Variants in NHSL1 observed in about 807,000 individuals in gnomAD.
NHSL1 encodes the protein NHS like 1, also known as NHS-like protein 1.
NHSL1 carries 48 observed loss-of-function variants against 95.0 expected under a neutral mutation model. That is an observed-to-expected ratio of 0.51 (90% CI 0.40 to 0.64). The LOEUF (loss-of-function observed/expected upper bound fraction) is 0.64. NHSL1 is among the 30% of genes least tolerant of loss of function. NHSL1 has a pLI of 0.00. For missense variants in NHSL1, 1,971 were observed against 2,077.7 expected (o/e 0.95, Z 1.00); for synonymous variants, 783 against 833.9 (o/e 0.94, Z 1.05).
chr6:138,569,245 A>ATGTGTGTG (rs58789555), intron 1 of NHSL1, among the ~76,000 whole-genome samples: 15 of 147,510 alleles, frequency 1.0e-4, no homozygotes, highest in South Asian at 4.4e-4. Flanking sequence ...TTGTGTGTAT[A>ATGTGTGTG]TGTGTGTGTG....
At chr6:138,663,871 A>G (rs1785261791) in intron 1 of NHSL1, among the ~76,000 whole-genome samples, 1 of 152,004 alleles carries the variant, frequency 6.6e-6, no homozygotes, top group African/African-American at 2.4e-5. Flanking sequence ...ACTCTATCTC[A>G]AAGAAAAAAA....
chr6:138,567,648 A>C (rs1196718799), intron 1 of NHSL1, among the ~76,000 whole-genome samples: 1 of 152,078 alleles, frequency 6.6e-6, no homozygotes, highest in Non-Finnish European at 1.5e-5. Context: ...GGATGAAATT[A>C]CTTTAAATAG....
rs180837730 is a variant in NHSL1 at position 138,505,547 on chromosome 6, C to T, written c.17-9176G>A. 5.2e-3 allele frequency among the ~76,000 whole-genome samples: 771 copies of T among 147,196 alleles called. 6 individuals carry two copies. The highest frequency in any genetic ancestry group is 0.011 in the Admixed American group (150 of 14,220). On this transcript the variant is annotated intron_variant, in intron 1 of 4. Coordinates refer to the NHSL1 transcript ENST00000342260. ...GCACGTGCCTGTAGTCTCAGCTACT[C>T]GGGAGGCTGAGGCAGGAGAATCACT...
At chr6:138,664,828 T>C (rs1011673812) in intron 1 of NHSL1, among the ~76,000 whole-genome samples, 1 of 152,254 alleles carries the variant, frequency 6.6e-6, no homozygotes, top group African/African-American at 2.4e-5. Flanking sequence ...AGCAAAGAGT[T>C]GATGTTGCAG....
chr6:138,571,473 A>G, intron 1 of NHSL1: 1 of 485,038 alleles, frequency 2.1e-6, no homozygotes, highest in South Asian at 2.3e-5. Flanking sequence ...GAGGCTGCCG[A>G]GAACAAATAA....
Position 138,422,803 on chromosome 6 carries a change from AC to A in NHSL1, c.*1277del. On this transcript the variant is annotated 3_prime_UTR_variant, in exon 8 of 8. Coordinates refer to ENST00000343505, the MANE Select transcript of NHSL1 (RefSeq NM_001144060.2). Reference sequence around the variant, plus strand: ...TGCACAAACCAAATGATGCAAAAAAACCTTTTTAATCTAAAAATTCATTTCC... The same window carrying A: ...TGCACAAACCAAATGATGCAAAAAAACTTTTTAATCTAAAAATTCATTTCC... 6.6e-6 allele frequency: 1 copy of A among 152,292 alleles called. No homozygotes were observed. The highest frequency in any genetic ancestry group is 3.4e-3 in the Middle Eastern group (1 of 294). 9.4% of individuals were successfully genotyped at this position (152,292 alleles called of 1,614,324 possible). A position where few individuals can be genotyped will look rare whatever the true frequency, so the allele number is the denominator to read the frequency against.
intron 1 of NHSL1, among the ~76,000 whole-genome samples, chr6:138,589,634 T>C (rs147137764): frequency 6.6e-6 from 1 of 152,202 alleles, no homozygotes; most frequent in Non-Finnish European, 1.5e-5. Context: ...TAAACCCTCA[T>C]CTATGCCTTC....
intron 1 of NHSL1, among the ~76,000 whole-genome samples, chr6:138,604,150 T>C (rs1393455490): frequency 1.3e-5 from 2 of 152,118 alleles, no homozygotes; most frequent in African/African-American, 4.8e-5. Flanking sequence ...TAAATATTTT[T>C]GTTTCAGAAG....
At chr6:138,473,733 G>A (rs755368927) in intron 2 of NHSL1, among the ~76,000 whole-genome samples, 2 of 151,994 alleles carry the variant, frequency 1.3e-5, no homozygotes, top group Non-Finnish European at 2.9e-5. Context: ...GGACATTGAA[G>A]TTTAGGGTAA....
intron 1 of NHSL1, among the ~76,000 whole-genome samples, chr6:138,586,558 G>C (rs1784138625): frequency 6.6e-6 from 1 of 152,164 alleles, no homozygotes; most frequent in South Asian, 2.1e-4. Context: ...ACTTCCAGAA[G>C]ACACACCCTT....
intron 1 of NHSL1, chr6:138,650,656 C>T (rs1312930431): frequency 1.8e-6 from 1 of 563,992 alleles, no homozygotes; most frequent in Non-Finnish European, 3.6e-6. Flanking sequence ...TCCCATCCCA[C>T]AAACTGGACC....
intron 1 of NHSL1, among the ~76,000 whole-genome samples, chr6:138,653,284 G>A (rs761598152): frequency 1.2e-4 from 19 of 152,178 alleles, no homozygotes; most frequent in South Asian, 8.3e-4. Flanking sequence ...GGCCAGGCAC[G>A]GTGGCTCAAG....
At chr6:138,597,974 A>G (rs1784322797) in intron 1 of NHSL1, among the ~76,000 whole-genome samples, 1 of 152,058 alleles carries the variant, frequency 6.6e-6, no homozygotes, top group South Asian at 2.1e-4. Context: ...CCAGCAGAGA[A>G]GGCGGTGCAG....
At chr6:138,616,534 G>C (rs891930008) in intron 1 of NHSL1, among the ~76,000 whole-genome samples, 1 of 151,554 alleles carries the variant, frequency 6.6e-6, no homozygotes, top group African/African-American at 2.4e-5. Flanking sequence ...CAGAGACAGA[G>C]AGAGAGAGAG....
At chr6:138,474,178 C>T (rs1408026948) in intron 2 of NHSL1, among the ~76,000 whole-genome samples, 1 of 152,192 alleles carries the variant, frequency 6.6e-6, no homozygotes, top group African/African-American at 2.4e-5. Flanking sequence ...TGTAAGAAAA[C>T]TTCCAATGGC....
chr6:138,660,397 A>G (rs921881809), intron 1 of NHSL1, among the ~76,000 whole-genome samples: 5 of 152,186 alleles, frequency 3.3e-5, no homozygotes, highest in African/African-American at 1.2e-4. Flanking sequence ...AACCATTTAT[A>G]TAATAAAAGT....
chr6:138,670,684 A>AAAAAG (rs1410004407), intron 1 of NHSL1, among the ~76,000 whole-genome samples: 2 of 151,148 alleles, frequency 1.3e-5, no homozygotes, highest in African/African-American at 4.9e-5. Context: ...AAAAAAAAAA[A>AAAAAG]AACTTTAAAA....
At chr6:138,641,567 G>C (rs188724042) in intron 1 of NHSL1, among the ~76,000 whole-genome samples, 5 of 147,460 alleles carry the variant, frequency 3.4e-5, no homozygotes, top group Middle Eastern at 3.6e-3. Flanking sequence ...AGGTTGCAGT[G>C]AGCTGAGATC....
At position 138,551,662 on chromosome 6, in the gene NHSL1, C is replaced by A. The variant is rs115739048; in HGVS notation, c.202+20048G>T. Among the ~76,000 whole-genome samples the A allele has an allele frequency of 2.3e-3, 349 of 152,320 alleles. 2 individuals are homozygous for A. The highest frequency in any genetic ancestry group is 8.0e-3 in the African/African-American group (333 of 41,556). On this transcript the variant is annotated intron_variant, in intron 1 of 6. Transcript: ENST00000427025. ...ATATTTATTACTACCTCAGGCACAACAGAAAGAAGAAAAAAATTATAGCAT... is the reference window on the plus strand; with the variant it reads ...ATATTTATTACTACCTCAGGCACAAAAGAAAGAAGAAAAAAATTATAGCAT...
Sources: allele counts gnomAD v4.1 joint callset (sites outside exome capture counted in the v4.1 genomes callset), GRCh38; gene constraint gnomAD v4.1.1; transcripts MANE v1.5; gene names NCBI Gene and HGNC (gene_info 2026-07-23, HGNC 2026-07-21).